Variants in RANBP10 observed in about 807,000 individuals in gnomAD.
RANBP10 encodes the protein RAN binding protein 10.
A neutral mutation model predicts 72.8 loss-of-function variants in RANBP10; 24 were observed. The observed-to-expected ratio is 0.33, with a 90% CI of 0.24 to 0.46. The LOEUF (loss-of-function observed/expected upper bound fraction) is 0.46, where lower values mean the gene tolerates loss of function less well. RANBP10 is among the 20% of genes least tolerant of loss of function. The pLI is 1.00. For missense variants in RANBP10, 679 were observed against 817.5 expected, an observed-to-expected ratio of 0.83 and a Z score of 2.07; for synonymous variants, 310 against 322.3, an observed-to-expected ratio of 0.96 and a Z score of 0.41.
At chr16:67,771,874 T>C (rs912398121) in intron 3 of RANBP10, among the ~76,000 whole-genome samples, 160 bp downstream of exon 3, 1 of 152,204 alleles carries the variant, frequency 6.6e-6, no homozygotes, top group Non-Finnish European at 1.5e-5. Context: ...CACACCATCC[T>C]GGCCCAAGGG....
At chr16:67,741,856 C>A (rs2053975906) in intron 4 of RANBP10, among the ~76,000 whole-genome samples, 2 of 152,064 alleles carry the variant, frequency 1.3e-5, no homozygotes, top group Admixed American at 6.6e-5. Context: ...GGGAAGGGAT[C>A]GATTCTGAAG....
intron 5 of RANBP10, among the ~76,000 whole-genome samples, chr16:67,737,063 T>C (rs1172630376): frequency 2.0e-5 from 3 of 151,256 alleles, no homozygotes; most frequent in Admixed American, 2.0e-4. Context: ...TGACTCATAA[T>C]AGAGACTGGA....
intron 5 of RANBP10, 69 bp downstream of exon 5, chr16:67,737,944 G>A: frequency 6.6e-7 from 1 of 1,514,032 alleles, no homozygotes; most frequent in Non-Finnish European, 9.0e-7. Flanking sequence ...GCACTTGCAG[G>A]TACCACCGTG....
At chr16:67,780,039 C>G (rs2054782169) in intron 2 of RANBP10, among the ~76,000 whole-genome samples, 1 of 152,252 alleles carries the variant, frequency 6.6e-6, no homozygotes, top group Middle Eastern at 3.4e-3. Context: ...CCAGACTATC[C>G]TGGCCAACAT....
intron 3 of RANBP10, among the ~76,000 whole-genome samples, chr16:67,763,925 G>C (rs575381004): frequency 1.9e-4 from 29 of 152,266 alleles, no homozygotes; most frequent in Non-Finnish European, 3.8e-4. Flanking sequence ...TTGAACTTCT[G>C]ACCTCAAATG....
At chr16:67,750,761 CTTTTTTT>C (rs914921755) in intron 3 of RANBP10, among the ~76,000 whole-genome samples, 7 of 110,228 alleles carry the variant, frequency 6.4e-5, no homozygotes, top group South Asian at 3.0e-4. Flanking sequence ...TTTTCACTTT[CTTTTTTT>C]TTTTTTTTTT....
rs760077545 is a variant in RANBP10 at position 67,729,923 on chromosome 16, GT to G, written c.998+14del. ...GGGCTGGACTCTGGGGGAGCTGGGG[GT>G]GCCCAAGACTTACTTGAGCATGAAG... On this transcript the variant is annotated intron_variant, in intron 8 of 13. Coordinates refer to ENST00000317506, the MANE Select transcript of RANBP10 (RefSeq NM_020850.3). The surrounding 1 kb of genome is among the most constrained non-coding windows in gnomAD (Gnocchi z 7.1). 3 of 1,613,478 alleles carry G rather than the reference GT, an allele frequency of 1.9e-6. No homozygotes were observed. The African/African-American group carries it at 4.0e-5, about 22-fold the overall frequency.
At chr16:67,753,205 TAAA>T (rs869120981) in intron 3 of RANBP10, among the ~76,000 whole-genome samples, 3 of 123,688 alleles carry the variant, frequency 2.4e-5, no homozygotes, top group Non-Finnish European at 3.5e-5. Flanking sequence ...AATCTCATCT[TAAA>T]AAAAAAAAAA....
chr16:67,731,510 G>A lies in RANBP10; in HGVS notation c.851C>T (p.Pro284Leu), dbSNP rs761109146. Residue 284 changes from proline (P) to leucine (L), a missense_variant, in exon 7 of 14, where the codon CCG (proline) becomes CTG (leucine). Coordinates refer to ENST00000317506, the MANE Select transcript of RANBP10 (RefSeq NM_020850.3). ...ATAFARMTET[P>L]IQEEQASIKN... is the part of the protein sequence containing the mutation. Reference sequence around the variant, plus strand: ...TATGGACGCCTGTTCTTCCTGAATCGGGGTTTCAGTCATTCGAGCAAAAGC... The same window carrying A: ...TATGGACGCCTGTTCTTCCTGAATCAGGGTTTCAGTCATTCGAGCAAAAGC... 2.0e-5 allele frequency: 32 copies of A among 1,613,914 alleles called. No homozygotes were observed. In the Admixed American group the frequency reaches 2.3e-4, roughly 12 times the overall value.
intron 2 of RANBP10, among the ~76,000 whole-genome samples, chr16:67,781,125 G>A (rs1026650561): frequency 6.6e-6 from 1 of 152,354 alleles, no homozygotes; most frequent in East Asian, 1.9e-4. Flanking sequence ...ACGAGCACCT[G>A]AGCGCAGTGC....
At chr16:67,770,289 A>G (rs1232195153) in intron 3 of RANBP10, among the ~76,000 whole-genome samples, 3 of 152,122 alleles carry the variant, frequency 2.0e-5, no homozygotes, top group Non-Finnish European at 4.4e-5. Context: ...ACAGCCACAC[A>G]GTATGCAAAG....
intron 2 of RANBP10, among the ~76,000 whole-genome samples, chr16:67,784,875 C>T (rs1186720099): frequency 6.6e-6 from 1 of 151,356 alleles, no homozygotes; most frequent in African/African-American, 2.4e-5. Context: ...AGAGGTAAGG[C>T]CCTGGGCCAA....
intron 2 of RANBP10, among the ~76,000 whole-genome samples, chr16:67,774,230 A>G (rs777526956): frequency 2.0e-5 from 3 of 152,254 alleles, no homozygotes; most frequent in African/African-American, 7.2e-5. Context: ...GCTATGCCCA[A>G]CACCACATGT....
intron 3 of RANBP10, among the ~76,000 whole-genome samples, chr16:67,759,390 C>A (rs1368053633): frequency 6.6e-6 from 1 of 152,214 alleles, no homozygotes; most frequent in East Asian, 1.9e-4. Context: ...CTTTTCCAGG[C>A]AGGGCTGCCT....
At position 67,752,544 on chromosome 16, in the gene RANBP10, G is replaced by A. The variant is rs551559661; in HGVS notation, c.401-8089C>T. On this transcript the variant is annotated intron_variant, in intron 3 of 13. Coordinates refer to ENST00000317506, the MANE Select transcript of RANBP10 (RefSeq NM_020850.3). ...AAATCTGAACCTATTCTGGTAAGGG[G>A]TCTGCCATTACAGAGCTGTAATATA... is the stretch of plus-strand genomic sequence containing the variant. Among the ~76,000 whole-genome samples, 110 of 152,204 alleles carry A rather than the reference G, an allele frequency of 7.2e-4. 1 individual carries two copies. In the South Asian group the frequency reaches 9.1e-3, roughly 13 times the overall value.
intron 3 of RANBP10, among the ~76,000 whole-genome samples, chr16:67,769,462 A>AAAAAAAAAAAAAT (rs1567699175): frequency 3.7e-5 from 5 of 136,886 alleles, no homozygotes; most frequent in Admixed American, 7.5e-5. Context: ...AAAAAAAAAA[A>AAAAAAAAAAAAAT]GTGCTGGGCG....
At chr16:67,764,674 C>A (rs1334795652) in intron 3 of RANBP10, among the ~76,000 whole-genome samples, 1 of 152,114 alleles carries the variant, frequency 6.6e-6, no homozygotes, top group Admixed American at 6.5e-5. Flanking sequence ...GCATGGGGGA[C>A]AGAGTGAGAT....
At chr16:67,738,095 C>CA in intron 4 of RANBP10, 60 bp from the exon 5 acceptor site, 1 of 1,503,196 alleles carries the variant, frequency 6.7e-7, no homozygotes, top group Non-Finnish European at 9.0e-7. Context: ...GCCTCTGCAC[C>CA]CCATGGTGGA....
chr16:67,793,665 G>A (rs1254694033), intron 2 of RANBP10, among the ~76,000 whole-genome samples: 1 of 151,940 alleles, frequency 6.6e-6, no homozygotes, highest in Non-Finnish European at 1.5e-5. Flanking sequence ...CATTATTTAA[G>A]TAGCCTAGTC....
Sources: allele counts gnomAD v4.1 joint callset (sites outside exome capture counted in the v4.1 genomes callset), GRCh38; gene constraint gnomAD v4.1.1; non-coding constraint Gnocchi (gnomAD v3.1); transcripts MANE v1.5; gene names NCBI Gene and HGNC (gene_info 2026-07-23, HGNC 2026-07-21).